Variants in ARHGEF16 observed in about 807,000 individuals in gnomAD.
ARHGEF16 encodes Rho guanine nucleotide exchange factor 16, also known as Rho guanine exchange factor (GEF) 16.
ARHGEF16 carries 59 observed loss-of-function variants against 74.1 expected under a neutral mutation model. That is an observed-to-expected ratio of 0.80 (90% CI 0.65 to 0.99). The LOEUF is 0.99. Ranked by LOEUF, ARHGEF16 falls within the 50% of genes least tolerant of loss-of-function variation. The pLI, the probability that ARHGEF16 is intolerant of heterozygous loss-of-function variation, is 0.00. For missense variants in ARHGEF16, 948 were observed against 986.6 expected (o/e 0.96, Z 0.52); for synonymous variants, 415 against 412.6 (o/e 1.01, Z -0.07).
At chr1:3,478,138 C>T (rs1639945295) in intron 11 of ARHGEF16, 112 bp downstream of exon 11, 9 of 1,436,660 alleles carry the variant, frequency 6.3e-6, no homozygotes, top group South Asian at 3.8e-5. Flanking sequence ...ACCTCAGAGC[C>T]GAGGCGCGGC....
intron 6 of ARHGEF16, chr1:3,471,745 C>T (rs1639729666): frequency 8.3e-7 from 1 of 1,202,434 alleles, no homozygotes; most frequent in African/African-American, 1.6e-5. Flanking sequence ...CCCCCGACAG[C>T]TCCTGGCATT....
chr1:3,470,599 AGGTGTGTGTGAGTG>A (rs1639683365), intron 6 of ARHGEF16, among the ~76,000 whole-genome samples: 1 of 110,194 alleles, frequency 9.1e-6, no homozygotes, highest in South Asian at 3.3e-4. Context: ...GTTTTCGGTC[AGGTGTGTGTGAGTG>A]GGTGTGTGTG....
chr1:3,473,876 C>T, intron 8 of ARHGEF16: 1 of 362,266 alleles, frequency 2.8e-6, no homozygotes, highest in Non-Finnish European at 5.1e-6. Flanking sequence ...CGTGGTAGCC[C>T]TGTCCCTGGC....
intron 1 of ARHGEF16, among the ~76,000 whole-genome samples, chr1:3,456,293 A>G (rs72633361): frequency 0.028 from 4,238 of 152,320 alleles, 73 homozygotes; most frequent in Middle Eastern, 0.048. Flanking sequence ...CTCACATGTG[A>G]CGCGCAGGTC....
At position 3,463,297 on chromosome 1, in the gene ARHGEF16, C is replaced by T. The variant is rs769716607; in HGVS notation, c.213C>T (p.Ile71=). The change falls in exon 2 of 15, where the codon ATC becomes ATT. Residue 71 remains isoleucine (I), a synonymous_variant. Transcript: ENST00000378378. The part of the protein sequence containing the change: ...RPPGHEEPWP[I]VLSTESPAAL... Reference sequence around the variant, plus strand: ...CGGGGCACGAGGAGCCATGGCCCATCGTCCTGAGCACAGAGAGCCCGGCGG... The same window carrying T: ...CGGGGCACGAGGAGCCATGGCCCATTGTCCTGAGCACAGAGAGCCCGGCGG... 9 of 1,550,062 alleles carry T rather than the reference C, an allele frequency of 5.8e-6. No individual in the cohort carries two copies. In the South Asian group the frequency reaches 5.9e-5, roughly 10 times the overall value.
At chr1:3,473,745 C>T (rs559978434) in intron 8 of ARHGEF16, 14 of 738,488 alleles carry the variant, frequency 1.9e-5, no homozygotes, top group East Asian at 2.8e-5. Flanking sequence ...CAGCCCTTGG[C>T]GGATTTGTGT....
Position 3,476,026 on chromosome 1 carries a change from C to T in ARHGEF16, c.1437C>T (p.Tyr479=). 2 of 1,556,738 alleles carry T rather than the reference C, an allele frequency of 1.3e-6. No homozygotes were observed. The highest frequency in any genetic ancestry group is 1.7e-6 in the Non-Finnish European group (2 of 1,150,244). ...GGATGGAGCGCATGGAGCAGATGTACACGCTGCACACACAGCTGGACTTCA... is the reference window on the plus strand; with the variant it reads ...GGATGGAGCGCATGGAGCAGATGTATACGCTGCACACACAGCTGGACTTCA... ...AHRMERMEQM[Y]TLHTQLDFSK... The change falls in exon 10 of 15, where the codon TAC becomes TAT. Residue 479 remains tyrosine (Y), a synonymous_variant. Coordinates refer to ENST00000378378, the MANE Select transcript of ARHGEF16 (RefSeq NM_014448.4).
intron 1 of ARHGEF16, among the ~76,000 whole-genome samples, chr1:3,461,582 G>A (rs915614279): frequency 6.6e-6 from 1 of 152,232 alleles, no homozygotes; most frequent in African/African-American, 2.4e-5. Context: ...TGGCCTGAGG[G>A]TTGCAAGTGC....
chr1:3,467,461 T>A, intron 4 of ARHGEF16, 124 bp downstream of exon 4: 1 of 1,204,022 alleles, frequency 8.3e-7, no homozygotes, highest in East Asian at 2.6e-5. Flanking sequence ...CCAGGGAGGG[T>A]GGGCAGCCTT....
chr1:3,470,430 C>T (rs1557693087), intron 6 of ARHGEF16, among the ~76,000 whole-genome samples: 1 of 135,536 alleles, frequency 7.4e-6, no homozygotes, highest in African/African-American at 2.8e-5. Flanking sequence ...GGGTGTGGGG[C>T]AGGGGTGTGT....
chr1:3,480,787 C>T lies in ARHGEF16; in HGVS notation c.*200C>T. 1 of 743,572 alleles carries T rather than the reference C, an allele frequency of 1.3e-6. No homozygotes were observed. The highest frequency in any genetic ancestry group is 2.1e-6 in the Non-Finnish European group (1 of 472,300). 46.1% of individuals were successfully genotyped at this position (743,572 alleles called of 1,614,324 possible). On this transcript the variant is annotated 3_prime_UTR_variant, in exon 15 of 15. Transcript: ENST00000378378. Reference sequence around the variant, plus strand: ...ATGTCCCCAGAGAGGCACCCCCAGGCAAGCTCGAGGGGGCCACACCGTGTC... The same window carrying T: ...ATGTCCCCAGAGAGGCACCCCCAGGTAAGCTCGAGGGGGCCACACCGTGTC...
chr1:3,455,415 G>A (rs1639245567), intron 1 of ARHGEF16, among the ~76,000 whole-genome samples: 1 of 152,104 alleles, frequency 6.6e-6, no homozygotes, highest in Non-Finnish European at 1.5e-5. Context: ...TGTCTCCCCT[G>A]AGAAGGGAGA....
chr1:3,469,460 T>C lies in ARHGEF16; in HGVS notation c.889T>C (p.Phe297Leu). 1.9e-6 allele frequency: 3 copies of C among 1,612,900 alleles called. No individual in the cohort carries two copies. Among genetic ancestry groups the C allele is most frequent in the Non-Finnish European group, 2.5e-6 (3 of 1,179,936 alleles). ...EAMFEILTSE[F>L]SYQHSLSILV... The stretch of plus-strand genomic sequence containing the variant: ...CATGTTCGAGATCCTCACGTCGGAG[T>C]TCTCCTACCAGCACAGCCTGAGCAT... The change falls in exon 6 of 15, where the codon TTC becomes CTC. Residue 297 changes from phenylalanine to leucine, a missense_variant. By Grantham distance (22) the Phe-to-Leu change is conservative. Coordinates refer to ENST00000378378, the MANE Select transcript of ARHGEF16 (RefSeq NM_014448.4).
rs566800873 is a variant in ARHGEF16 at position 3,456,361 on chromosome 1, G to A, written c.-20+1550G>A. 4.0e-3 allele frequency among the ~76,000 whole-genome samples: 616 copies of A among 152,328 alleles called. 4 individuals are homozygous for A. Among genetic ancestry groups the A allele is most frequent in the African/African-American group, 0.014 (589 of 41,580 alleles). The stretch of plus-strand genomic sequence containing the variant: ...TGTGATCCAGGCGCAGGCGCTCCCC[G>A]CGAGTTTGGGTCTGAGTTTTAGTTT... On this transcript the variant is annotated intron_variant, in intron 1 of 14. Transcript: ENST00000378378.
rs557806616 is a variant in ARHGEF16, at chr1:3,468,660, G to C, written c.805-220G>C. The stretch of plus-strand genomic sequence containing the variant: ...GGGCTGCTTTGGGGCTCTGGCGGCT[G>C]GGGGGAGCGGGGGGCTGACCCAAGG... On this transcript the variant is annotated intron_variant, in intron 4 of 14. Transcript: ENST00000378378. 1.9e-5 allele frequency: 11 copies of C among 573,286 alleles called. No individual in the cohort carries two copies. The East Asian group carries it at 3.0e-4, about 16-fold the overall frequency. 35.5% of individuals were successfully genotyped at this position (573,286 alleles called of 1,614,324 possible). A position where few individuals can be genotyped will look rare whatever the true frequency, so the allele number is the denominator to read the frequency against.
At chr1:3,460,928 C>A (rs1015495717) in intron 1 of ARHGEF16, among the ~76,000 whole-genome samples, 1 of 148,040 alleles carries the variant, frequency 6.8e-6, no homozygotes, top group African/African-American at 2.7e-5. Context: ...TGGTGGCTCC[C>A]GGGGCTGAGC....
chr1:3,465,991 C>T (rs985036773), intron 2 of ARHGEF16, 157 bp from the exon 3 acceptor site: 7 of 752,986 alleles, frequency 9.3e-6, no homozygotes, highest in Admixed American at 2.9e-5. Flanking sequence ...CTCTCTTGGC[C>T]TCTGCTTGGC....
intron 6 of ARHGEF16, 147 bp downstream of exon 6, chr1:3,469,740 AGT>A (rs1237635991): frequency 1.7e-6 from 2 of 1,173,464 alleles, no homozygotes; most frequent in Non-Finnish European, 2.4e-6. Context: ...GCTCCCGCGG[AGT>A]GTGATGACCT....
At chr1:3,465,740 CAGACCCA>C (rs1639524806) in intron 2 of ARHGEF16, among the ~76,000 whole-genome samples, 1 of 152,204 alleles carries the variant, frequency 6.6e-6, no homozygotes, top group Admixed American at 6.5e-5. Flanking sequence ...CTGGGGCCCC[CAGACCCA>C]TGCTTGGGGC....
Sources: gnomAD v4.1 joint callset for allele counts (sites outside exome capture counted in the v4.1 genomes callset) on GRCh38, gnomAD v4.1.1 for gene constraint, MANE v1.5 for transcripts, NCBI Gene and HGNC (gene_info 2026-07-23, HGNC 2026-07-21) for gene names.